Variants in MVB12B observed in about 807,000 individuals in gnomAD.
The protein encoded by MVB12B is ESCRT-I complex subunit MVB12B.
In MVB12B, 16 loss-of-function variants were observed where a neutral mutation model predicts 41.6. That is an observed-to-expected ratio of 0.38 (90% CI 0.26 to 0.58). The LOEUF (loss-of-function observed/expected upper bound fraction) is 0.58. Among genes scored for constraint, MVB12B ranks in the 20% least tolerant of loss-of-function variants. The pLI is 0.62. For synonymous variants in MVB12B, 133 were observed against 139.7 expected (o/e 0.95, Z 0.34); for missense variants, 274 against 380.2 (o/e 0.72, Z 2.32).
chr9:126,409,733 G>A (rs1831572068), intron 6 of MVB12B, among the ~76,000 whole-genome samples: 1 of 152,224 alleles, frequency 6.6e-6, no homozygotes, highest in Admixed American at 6.5e-5. Context: ...GACTAGAATG[G>A]CTGTGTTCAC....
intron 2 of MVB12B, among the ~76,000 whole-genome samples, chr9:126,354,030 A>G (rs572245137): frequency 6.6e-6 from 1 of 152,228 alleles, no homozygotes; most frequent in East Asian, 1.9e-4. Flanking sequence ...CAGTCTTTTT[A>G]TTACTTTTCA....
At chr9:126,364,561 A>C (rs1175770962) in intron 2 of MVB12B, among the ~76,000 whole-genome samples, 2 of 152,210 alleles carry the variant, frequency 1.3e-5, no homozygotes, top group Non-Finnish European at 2.9e-5. Flanking sequence ...ACTACTAATC[A>C]CATCCTGCTA....
At chr9:126,351,783 T>C (rs1185212288) in intron 2 of MVB12B, among the ~76,000 whole-genome samples, 2 of 152,180 alleles carry the variant, frequency 1.3e-5, no homozygotes, top group African/African-American at 4.8e-5. Context: ...CCACCGTGCC[T>C]GGCCCCAGTC....
rs59520269 is a variant in MVB12B, at chr9:126,454,784, T to C, written c.758-26585T>C. Among the ~76,000 whole-genome samples the C allele has an allele frequency of 8.5e-3, 1,268 of 148,564 alleles. 23 individuals carry two copies. The highest frequency in any genetic ancestry group is 0.029 in the African/African-American group (1,193 of 40,930). On this transcript the variant is annotated intron_variant, in intron 7 of 9. Coordinates refer to ENST00000361171, the MANE Select transcript of MVB12B (RefSeq NM_033446.3). ...TTCTGGTAGGGGTCGATGACCATAA[T>C]TGAGTTTTTTTTTTTTTAACCAGCC...
Position 126,476,174 on chromosome 9 carries a change from C to T in MVB12B, c.758-5195C>T, listed in dbSNP as rs75231373. On this transcript the variant is annotated intron_variant, in intron 7 of 9. Coordinates refer to ENST00000361171, the MANE Select transcript of MVB12B (RefSeq NM_033446.3). The stretch of plus-strand genomic sequence containing the variant: ...TCCTTCCCTCCCAGTGGCTGCTGTG[C>T]GGCATCCCGCAATGGTCTCACATCT... Among the ~76,000 whole-genome samples the T allele has an allele frequency of 4.0e-3, 549 of 137,372 alleles. 9 individuals carry two copies. The East Asian group carries it at 0.043, about 11-fold the overall frequency. 90.1% of individuals were successfully genotyped at this position (137,372 alleles called of 152,430 possible).
intron 6 of MVB12B, among the ~76,000 whole-genome samples, chr9:126,405,836 T>A (rs1042793183): frequency 2.0e-5 from 3 of 149,152 alleles, no homozygotes; most frequent in East Asian, 1.9e-4. Context: ...TATTAATAAT[T>A]ATTATTATTA....
intron 7 of MVB12B, among the ~76,000 whole-genome samples, chr9:126,463,862 A>G (rs1218848536): frequency 1.3e-5 from 2 of 152,122 alleles, no homozygotes; most frequent in Non-Finnish European, 2.9e-5. Context: ...CTTAAGCAAA[A>G]TTTATAACAA....
chr9:126,385,389 A>G (rs1830753399), intron 3 of MVB12B, among the ~76,000 whole-genome samples: 2 of 152,220 alleles, frequency 1.3e-5, no homozygotes, highest in Admixed American at 1.3e-4. Flanking sequence ...AACACAGTTT[A>G]GATGATAAGA....
intron 2 of MVB12B, among the ~76,000 whole-genome samples, chr9:126,374,351 C>T (rs1346171566): frequency 1.3e-5 from 2 of 152,240 alleles, no homozygotes; most frequent in Non-Finnish European, 2.9e-5. Flanking sequence ...TTACATTTAA[C>T]CTCAGCGGTC....
intron 7 of MVB12B, among the ~76,000 whole-genome samples, chr9:126,435,736 T>C: frequency 6.6e-6 from 1 of 151,388 alleles, no homozygotes; most frequent in East Asian, 1.9e-4. Flanking sequence ...AAGTCCCCTG[T>C]CCCTGAGCTC....
chr9:126,447,026 C>T (rs1428316625), intron 7 of MVB12B, among the ~76,000 whole-genome samples: 1 of 149,298 alleles, frequency 6.7e-6, no homozygotes, highest in Non-Finnish European at 1.5e-5. Flanking sequence ...CTCACTGCAA[C>T]CGCCGCCTCC....
chr9:126,479,781 T>C (rs781500381), intron 7 of MVB12B, among the ~76,000 whole-genome samples: 2 of 152,238 alleles, frequency 1.3e-5, no homozygotes, highest in African/African-American at 4.8e-5. Context: ...CTGTGTCTTT[T>C]TCTTCATGCT....
chr9:126,479,997 G>GA (rs1354414364), intron 7 of MVB12B, among the ~76,000 whole-genome samples: 7 of 151,526 alleles, frequency 4.6e-5, no homozygotes, highest in South Asian at 4.2e-4. Flanking sequence ...TTAGGACTGA[G>GA]AAAGAAAAAA....
rs1173166752 is a variant in MVB12B at position 126,480,163 on chromosome 9, T to C, written c.758-1206T>C. 6.6e-6 allele frequency among the ~76,000 whole-genome samples: 1 copy of C among 152,176 alleles called. No individual in the cohort carries two copies. Among genetic ancestry groups the C allele is most frequent in the Non-Finnish European group, 1.5e-5 (1 of 68,028 alleles). On this transcript the variant is annotated intron_variant, in intron 7 of 9. Coordinates refer to ENST00000361171, the MANE Select transcript of MVB12B (RefSeq NM_033446.3). The surrounding 1 kb of genome is among the most constrained non-coding windows in gnomAD (Gnocchi z 4.9). ...GTTTCTCCCTGAAACCACAATTTACTGCATAGCCACCACCTCAGGGTGCGG... is the reference window on the plus strand; with the variant it reads ...GTTTCTCCCTGAAACCACAATTTACCGCATAGCCACCACCTCAGGGTGCGG...
chr9:126,334,250 C>T (rs530750985), intron 1 of MVB12B, among the ~76,000 whole-genome samples: 1 of 152,140 alleles, frequency 6.6e-6, no homozygotes, highest in Non-Finnish European at 1.5e-5. Flanking sequence ...GGGAAGATGG[C>T]AAGGTCAGCT....
chr9:126,431,350 G>A (rs1832326968), intron 7 of MVB12B, among the ~76,000 whole-genome samples: 1 of 152,200 alleles, frequency 6.6e-6, no homozygotes, highest in African/African-American at 2.4e-5. Flanking sequence ...TGGCTTGGGG[G>A]CAGGAAGGAG....
intron 2 of MVB12B, among the ~76,000 whole-genome samples, chr9:126,354,215 T>C (rs1829823746): frequency 6.6e-6 from 1 of 152,250 alleles, no homozygotes; most frequent in Admixed American, 6.5e-5. Flanking sequence ...TTCTGTGTAT[T>C]GGTTCTTTGC....
chr9:126,473,801 A>T lies in MVB12B; in HGVS notation c.758-7568A>T, dbSNP rs1936254078. 6.6e-6 allele frequency among the ~76,000 whole-genome samples: 1 copy of T among 152,184 alleles called. No individual in the cohort carries two copies. The highest frequency in any genetic ancestry group is 1.5e-5 in the Non-Finnish European group (1 of 68,026). On this transcript the variant is annotated intron_variant, in intron 7 of 9. Transcript: ENST00000361171. This position sits in a 1 kb window ranked among gnomAD's most constrained non-coding sequence, Gnocchi z 4.0. ...TTACAATTGAACATGAGATTTGGGTATTTGGGTGGGGACACAGATTCAAGC... is the reference window on the plus strand; with the variant it reads ...TTACAATTGAACATGAGATTTGGGTTTTTGGGTGGGGACACAGATTCAAGC...
At chr9:126,502,561 GC>G (rs1452252911) in intron 9 of MVB12B, among the ~76,000 whole-genome samples, 1 of 152,154 alleles carries the variant, frequency 6.6e-6, no homozygotes, top group Non-Finnish European at 1.5e-5. Flanking sequence ...AGCTGCCCTG[GC>G]CCCGCTGTGG....
Sources: allele counts gnomAD v4.1 joint callset (sites outside exome capture counted in the v4.1 genomes callset), GRCh38; gene constraint gnomAD v4.1.1; non-coding constraint Gnocchi (gnomAD v3.1); transcripts MANE v1.5; gene names NCBI Gene and HGNC (gene_info 2026-07-23, HGNC 2026-07-21).